Variants in NOL4 observed in about 807,000 individuals in gnomAD.
The protein encoded by NOL4 is cancer/testis antigen 125.
Under a neutral mutation model 75.9 loss-of-function variants are expected in NOL4, and 17 were observed. The ratio of observed to expected loss-of-function variants is 0.22; its 90% CI spans 0.15 to 0.34. The LOEUF is 0.34. Ranked by LOEUF, NOL4 falls within the 10% of genes least tolerant of loss-of-function variation. The pLI is 1.00. For missense variants in NOL4, 614 were observed against 793.5 expected, an observed-to-expected ratio of 0.77 and a Z score of 2.72; for synonymous variants, 292 against 289.9, an observed-to-expected ratio of 1.01 and a Z score of -0.07.
chr18:34,148,537 T>C (rs1287190894), intron 1 of NOL4, among the ~76,000 whole-genome samples: 1 of 152,182 alleles, frequency 6.6e-6, no homozygotes, highest in Non-Finnish European at 1.5e-5. Flanking sequence ...AGTGAGTTTC[T>C]TAATCCTGAG....
intron 5 of NOL4, among the ~76,000 whole-genome samples, chr18:34,042,204 C>T (rs947055806): frequency 4.6e-5 from 7 of 151,976 alleles, no homozygotes; most frequent in African/African-American, 1.7e-4. Flanking sequence ...CACTTCTCTG[C>T]AACCCATTCA....
chr18:33,940,910 C>T (rs2068437100), intron 9 of NOL4, among the ~76,000 whole-genome samples: 1 of 151,646 alleles, frequency 6.6e-6, no homozygotes. Context: ...GTAAGAAGTC[C>T]CATTTTTAAT....
At chr18:33,868,621 C>T (rs1174459989) in intron 10 of NOL4, among the ~76,000 whole-genome samples, 1 of 148,340 alleles carries the variant, frequency 6.7e-6, no homozygotes, top group Non-Finnish European at 1.5e-5. Context: ...GTTTAATGGT[C>T]ATATGAAATA....
intron 5 of NOL4, among the ~76,000 whole-genome samples, chr18:34,085,386 A>G (rs189630406): frequency 6.8e-4 from 103 of 152,288 alleles, no homozygotes; most frequent in Admixed American, 1.7e-3. Context: ...TAGTGACAAA[A>G]CCAAAAGAGC....
chr18:34,217,187 C>T (rs2036951516), intron 1 of NOL4, among the ~76,000 whole-genome samples: 1 of 152,000 alleles, frequency 6.6e-6, no homozygotes, highest in Admixed American at 6.6e-5. Context: ...CAATAACAGT[C>T]ATTTTTTCTT....
At chr18:33,862,817 T>C (rs2063221328) in intron 10 of NOL4, among the ~76,000 whole-genome samples, 1 of 152,198 alleles carries the variant, frequency 6.6e-6, no homozygotes, top group Admixed American at 6.5e-5. Flanking sequence ...TTTTACACTG[T>C]TGGTGGGACT....
intron 9 of NOL4, among the ~76,000 whole-genome samples, chr18:33,934,865 T>G (rs1007269928): frequency 6.8e-6 from 1 of 147,314 alleles, no homozygotes; most frequent in African/African-American, 2.6e-5. Context: ...GTAGCACGTT[T>G]TTTTTTTTTT....
chr18:34,185,114 T>G (rs555835872), intron 1 of NOL4, among the ~76,000 whole-genome samples: 1 of 152,146 alleles, frequency 6.6e-6, no homozygotes, highest in Non-Finnish European at 1.5e-5. Context: ...TCAGCTTCAC[T>G]TGCCTCCTTA....
chr18:33,938,899 T>C (rs907282797), intron 9 of NOL4, among the ~76,000 whole-genome samples: 1 of 152,198 alleles, frequency 6.6e-6, no homozygotes, highest in Non-Finnish European at 1.5e-5. Context: ...CTAGGGTTTT[T>C]ATGGTTTTAG....
At chr18:34,041,074 A>G (rs1406508272) in intron 5 of NOL4, among the ~76,000 whole-genome samples, 2 of 151,930 alleles carry the variant, frequency 1.3e-5, no homozygotes, top group Admixed American at 6.6e-5. Flanking sequence ...AATAACACAT[A>G]TTTTGCTTTC....
intron 5 of NOL4, among the ~76,000 whole-genome samples, chr18:34,073,228 T>C (rs1462822521): frequency 6.6e-6 from 1 of 151,978 alleles, no homozygotes; most frequent in South Asian, 2.1e-4. Context: ...ATATCAGGAA[T>C]GAAAGGTGAT....
chr18:33,949,332 G>A (rs1027187581), intron 8 of NOL4, among the ~76,000 whole-genome samples: 11 of 152,006 alleles, frequency 7.2e-5, no homozygotes, highest in Non-Finnish European at 1.3e-4. Context: ...AGTTCGTCCT[G>A]GGCAATCATG....
At chr18:34,147,167 T>C (rs1471771173) in intron 1 of NOL4, among the ~76,000 whole-genome samples, 2 of 151,902 alleles carry the variant, frequency 1.3e-5, no homozygotes, top group African/African-American at 2.4e-5. Context: ...TCTGCAAACA[T>C]AGACGATTTG....
chr18:34,015,556 T>C (rs1327154553), intron 6 of NOL4, among the ~76,000 whole-genome samples: 2 of 152,060 alleles, frequency 1.3e-5, no homozygotes, highest in Non-Finnish European at 1.5e-5. Context: ...TATCACTTGT[T>C]CCTAATGGAT....
intron 5 of NOL4, among the ~76,000 whole-genome samples, chr18:34,076,039 T>C (rs930273203): frequency 6.6e-6 from 1 of 152,130 alleles, no homozygotes; most frequent in Non-Finnish European, 1.5e-5. Flanking sequence ...CAAGTTATGA[T>C]GGTAAAAATT....
intron 9 of NOL4, among the ~76,000 whole-genome samples, chr18:33,931,236 C>G (rs1005309779): frequency 2.6e-5 from 4 of 152,160 alleles, no homozygotes; most frequent in Admixed American, 1.3e-4. Context: ...TCTTAGTCCT[C>G]TTTTCAAATC....
At chr18:34,033,549 T>G (rs1600328730) in intron 5 of NOL4, among the ~76,000 whole-genome samples, 1 of 151,990 alleles carries the variant, frequency 6.6e-6, no homozygotes, top group East Asian at 1.9e-4. Flanking sequence ...TGACATATGA[T>G]AAACCCATAA....
At chr18:34,190,858 C>G (rs1600837505) in intron 1 of NOL4, among the ~76,000 whole-genome samples, 1 of 151,848 alleles carries the variant, frequency 6.6e-6, no homozygotes, top group South Asian at 2.1e-4. Flanking sequence ...ATTTTATATT[C>G]CAAAACATAT....
intron 1 of NOL4, among the ~76,000 whole-genome samples, chr18:34,152,968 T>A (rs1259258563): frequency 1.3e-5 from 2 of 151,926 alleles, no homozygotes; most frequent in East Asian, 3.9e-4. Context: ...TATTCTTAAG[T>A]AATCAATAGT....
Sources: allele counts gnomAD v4.1 joint callset (sites outside exome capture counted in the v4.1 genomes callset), GRCh38; gene constraint gnomAD v4.1.1; transcripts MANE v1.5; gene names NCBI Gene and HGNC (gene_info 2026-07-23, HGNC 2026-07-21).